MCU: variants seen among roughly 807,000 people sequenced by gnomAD.
MCU encodes mitochondrial calcium uniporter.
Under a neutral mutation model 45.2 loss-of-function variants are expected in MCU, and 12 were observed. That is an observed-to-expected ratio of 0.27 (90% CI 0.17 to 0.43). The LOEUF (loss-of-function observed/expected upper bound fraction) is 0.43. Ranked by LOEUF, MCU falls within the 20% of genes least tolerant of loss-of-function variation. The pLI, the probability that MCU is intolerant of heterozygous loss-of-function variation, is 1.00. For synonymous variants in MCU, 160 were observed against 165.1 expected (o/e 0.97, Z 0.24); for missense variants, 324 against 436.7 (o/e 0.74, Z 2.30).
chr10:72,706,939 C>T lies in MCU; in HGVS notation c.150+14638C>T, dbSNP rs955681361. 2.0e-5 allele frequency among the ~76,000 whole-genome samples: 3 copies of T among 150,568 alleles called. No individual in the cohort carries two copies. The Admixed American group carries it at 2.0e-4, about 10-fold the overall frequency. Reference sequence around the variant, plus strand: ...CCATCTCCTGGGTTCAAGTGATTCTCCTGCCTCAGCCTCCCGAGTAGCTGG... The same window carrying T: ...CCATCTCCTGGGTTCAAGTGATTCTTCTGCCTCAGCCTCCCGAGTAGCTGG... On this transcript the variant is annotated intron_variant, in intron 1 of 7. Coordinates refer to ENST00000373053, the MANE Select transcript of MCU (RefSeq NM_138357.3).
intron 2 of MCU, among the ~76,000 whole-genome samples, chr10:72,857,568 G>A (rs1186136698): frequency 6.6e-6 from 1 of 152,044 alleles, no homozygotes; most frequent in Non-Finnish European, 1.5e-5. Flanking sequence ...AAAAAGTGAG[G>A]CTCAGAGAAG....
At chr10:72,804,672 C>G (rs973739304) in intron 1 of MCU, among the ~76,000 whole-genome samples, 12 of 152,136 alleles carry the variant, frequency 7.9e-5, no homozygotes, top group Non-Finnish European at 2.9e-5. Flanking sequence ...CAGTCACAGT[C>G]ATTGTAGTAT....
At chr10:72,745,394 G>GT (rs1421959694) in intron 1 of MCU, among the ~76,000 whole-genome samples, 1 of 151,938 alleles carries the variant, frequency 6.6e-6, no homozygotes, top group Non-Finnish European at 1.5e-5. Flanking sequence ...ACACCGGCTG[G>GT]TTTTTTCTAT....
chr10:72,784,678 T>C (rs1314987502), intron 1 of MCU, among the ~76,000 whole-genome samples: 1 of 152,160 alleles, frequency 6.6e-6, no homozygotes, highest in East Asian at 1.9e-4. Context: ...AGTCTCCTCA[T>C]TTTCAGTGCA....
At chr10:72,779,901 A>G (rs1843962724) in intron 1 of MCU, among the ~76,000 whole-genome samples, 1 of 152,222 alleles carries the variant, frequency 6.6e-6, no homozygotes, top group Non-Finnish European at 1.5e-5. Context: ...TGTATTTCCC[A>G]TAGAACCTAG....
chr10:72,762,724 A>G (rs559312757), intron 1 of MCU, among the ~76,000 whole-genome samples: 6 of 152,190 alleles, frequency 3.9e-5, no homozygotes, highest in African/African-American at 1.4e-4. Context: ...AGTAAGATAG[A>G]TTTTCTGCCT....
chr10:72,871,640 G>A, intron 6 of MCU, 60 bp downstream of exon 6: 1 of 1,459,972 alleles, frequency 6.8e-7, no homozygotes. Context: ...ATTGTCAAAA[G>A]AGTTCTTTTT....
chr10:72,699,690 C>T (rs1842733177), intron 1 of MCU, among the ~76,000 whole-genome samples: 1 of 150,492 alleles, frequency 6.6e-6, no homozygotes, highest in South Asian at 2.1e-4. Flanking sequence ...CTCCTGGGTT[C>T]AAGTGATTCT....
chr10:72,882,804 A>G (rs1379356745), intron 6 of MCU, among the ~76,000 whole-genome samples: 1 of 152,060 alleles, frequency 6.6e-6, no homozygotes, highest in East Asian at 1.9e-4. Flanking sequence ...CCCTATTCGT[A>G]CACTCCCTCC....
intron 1 of MCU, among the ~76,000 whole-genome samples, chr10:72,748,209 A>G (rs1442746062): frequency 2.0e-5 from 3 of 151,972 alleles, no homozygotes; most frequent in Admixed American, 1.3e-4. Flanking sequence ...CACCACGCCC[A>G]GCTAATTTTT....
In MCU at chr10:72,804,063, TATATATATATAA is replaced by T. The variant is rs1341958461; in HGVS notation, c.151-30294_151-30283del. Among the ~76,000 whole-genome samples, 152 of 70,374 alleles carry T rather than the reference TATATATATATAA, an allele frequency of 2.2e-3. 10 individuals carry two copies. The highest frequency in any genetic ancestry group is 0.01 in the African/African-American group (135 of 13,426). 46.2% of individuals were successfully genotyped at this position (70,374 alleles called of 152,430 possible). The stretch of plus-strand genomic sequence containing the variant: ...ATATATATATATATATATATATATA[TATATATATATAA>T]AATAAGAGTGCCAACAATTTACATT... On this transcript the variant is annotated intron_variant, in intron 1 of 7. Coordinates refer to ENST00000373053, the MANE Select transcript of MCU (RefSeq NM_138357.3).
At chr10:72,718,538 C>T (rs1171332634) in intron 1 of MCU, among the ~76,000 whole-genome samples, 1 of 152,160 alleles carries the variant, frequency 6.6e-6, no homozygotes, top group Non-Finnish European at 1.5e-5. Context: ...TCATATTTCC[C>T]TATGAAGATT....
chr10:72,768,566 T>C (rs1258883252), intron 1 of MCU, among the ~76,000 whole-genome samples: 1 of 152,202 alleles, frequency 6.6e-6, no homozygotes, highest in African/African-American at 2.4e-5. Context: ...TAAGTTAGCA[T>C]GATGATAGTT....
intron 2 of MCU, among the ~76,000 whole-genome samples, chr10:72,848,622 G>C (rs917027304): frequency 2.6e-5 from 4 of 152,156 alleles, no homozygotes; most frequent in Non-Finnish European, 5.9e-5. Flanking sequence ...AGTTTTGGAG[G>C]AGACATTCAA....
intron 6 of MCU, among the ~76,000 whole-genome samples, chr10:72,883,771 G>A (rs1845739950): frequency 1.3e-5 from 2 of 152,028 alleles, no homozygotes; most frequent in Non-Finnish European, 2.9e-5. Flanking sequence ...ACACACAAAA[G>A]GTGAATTTCA....
chr10:72,821,823 T>C (rs192980769), intron 1 of MCU, among the ~76,000 whole-genome samples: 1 of 152,262 alleles, frequency 6.6e-6, no homozygotes, highest in East Asian at 1.9e-4. Flanking sequence ...CAAGTGCACA[T>C]GGAACATTTT....
intron 1 of MCU, among the ~76,000 whole-genome samples, chr10:72,744,017 A>G (rs1414926934): frequency 2.0e-5 from 3 of 151,284 alleles, no homozygotes; most frequent in African/African-American, 7.3e-5. Context: ...TAGTTTATAT[A>G]TATATATGTA....
intron 1 of MCU, among the ~76,000 whole-genome samples, chr10:72,780,553 G>GTGTGTGTGTGTGT (rs1276944923): frequency 2.4e-3 from 21 of 8,652 alleles, no homozygotes; most frequent in Non-Finnish European, 7.4e-3. Flanking sequence ...TGTGTGTGTT[G>GTGTGTGTGTGTGT]GGTGAATTTG....
intron 1 of MCU, among the ~76,000 whole-genome samples, chr10:72,764,170 TA>T (rs1843694633): frequency 6.6e-6 from 1 of 152,222 alleles, no homozygotes; most frequent in Admixed American, 6.5e-5. Context: ...TCAGTTCCAC[TA>T]AATGATTTAA....
Sources: allele counts gnomAD v4.1 joint callset (sites outside exome capture counted in the v4.1 genomes callset), GRCh38; gene constraint gnomAD v4.1.1; transcripts MANE v1.5; gene names NCBI Gene and HGNC (gene_info 2026-07-23, HGNC 2026-07-21).